Variants in CNTNAP5 observed in about 807,000 individuals in gnomAD.
CNTNAP5 encodes contactin associated protein family member 5, also known as contactin-associated protein-like 5.
In CNTNAP5, 72 loss-of-function variants were observed where a neutral mutation model predicts 150.2. The observed-to-expected ratio is 0.48, with a 90% CI of 0.40 to 0.58. CNTNAP5 has a LOEUF of 0.58. Among genes scored for constraint, CNTNAP5 ranks in the 20% least tolerant of loss-of-function variants. CNTNAP5 has a pLI of 0.00. For missense variants in CNTNAP5, 1,636 were observed against 1,626.2 expected, an observed-to-expected ratio of 1.01 and a Z score of -0.10; for synonymous variants, 672 against 619.8, an observed-to-expected ratio of 1.08 and a Z score of -1.25.
In CNTNAP5 at chr2:124,221,747, CT is replaced by C; in HGVS notation, c.130del (p.Ser44ProfsTer43). 6.2e-7 allele frequency: 1 copy of C among 1,611,882 alleles called. No homozygotes were observed. The highest frequency in any genetic ancestry group is 8.5e-7 in the Non-Finnish European group (1 of 1,178,872). On this transcript the variant is annotated frameshift_variant, in exon 2 of 24. Transcript: ENST00000682447. LOFTEE classifies it high-confidence loss of function. ...DPLASLLSPM[A>X]FSSSSDLTGT... Reference sequence around the variant, plus strand: ...CTAGCATCCCTGCTCTCTCCAATGGCTTTTTCCAGTTCCTCAGACCTCACTG... The same window carrying C: ...CTAGCATCCCTGCTCTCTCCAATGGCTTTTCCAGTTCCTCAGACCTCACTG...
intron 9 of CNTNAP5, among the ~76,000 whole-genome samples, chr2:124,526,296 A>G (rs1317169427): frequency 2.0e-5 from 3 of 152,220 alleles, no homozygotes; most frequent in African/African-American, 4.8e-5. Flanking sequence ...CAGTAATAAT[A>G]GTCAACTTAC....
intron 13 of CNTNAP5, among the ~76,000 whole-genome samples, chr2:124,677,643 T>C (rs35661599): frequency 0.24 from 35,910 of 150,088 alleles, 4,873 homozygotes; most frequent in African/African-American, 0.36. Flanking sequence ...AGACACAGAG[T>C]GCTGATTGGT....
Position 124,811,713 on chromosome 2 carries a change from G to GT in CNTNAP5, c.3217+13393_3217+13394insT, listed in dbSNP as rs1055501728. ...TCCCATCACTTTAGGAGGCGGGGGG[G>GT]GTGGATCACCTGAAATCAGGAGTTC... On this transcript the variant is annotated intron_variant, in intron 19 of 23. Coordinates refer to ENST00000682447, the MANE Select transcript of CNTNAP5 (RefSeq NM_001367498.1). Among the ~76,000 whole-genome samples the GT allele has an allele frequency of 1.2e-4, 18 of 149,884 alleles. 1 individual carries two copies. The highest frequency in any genetic ancestry group is 3.7e-4 in the African/African-American group (15 of 40,574).
At chr2:124,415,048 T>C (rs553639087) in intron 3 of CNTNAP5, among the ~76,000 whole-genome samples, 1 of 152,330 alleles carries the variant, frequency 6.6e-6, no homozygotes, top group Non-Finnish European at 1.5e-5. Flanking sequence ...AAGGACATTT[T>C]AAAAGAACTA....
intron 19 of CNTNAP5, among the ~76,000 whole-genome samples, chr2:124,864,025 C>A (rs1237937869): frequency 6.6e-6 from 1 of 152,068 alleles, no homozygotes; most frequent in Admixed American, 6.6e-5. Flanking sequence ...GACCAGATGA[C>A]CCCTACAGAC....
chr2:124,121,208 C>T (rs1683553239), intron 1 of CNTNAP5, among the ~76,000 whole-genome samples: 1 of 151,908 alleles, frequency 6.6e-6, no homozygotes, highest in Non-Finnish European at 1.5e-5. Flanking sequence ...AATTTGTGGC[C>T]TTTGCTTTGA....
intron 8 of CNTNAP5, among the ~76,000 whole-genome samples, chr2:124,513,696 G>C (rs7566257): frequency 1.3e-5 from 2 of 151,994 alleles, no homozygotes; most frequent in African/African-American, 4.8e-5. Context: ...ATTATATGCC[G>C]CATAATGTGT....
intron 1 of CNTNAP5, among the ~76,000 whole-genome samples, chr2:124,145,836 A>AAAAAAG (rs1684235703): frequency 9.2e-5 from 7 of 75,810 alleles, no homozygotes; most frequent in African/African-American, 1.9e-4. Flanking sequence ...AAAGAAGAAA[A>AAAAAAG]AAAAAAAAAA....
At chr2:124,417,894 C>T (rs559748976) in intron 4 of CNTNAP5, among the ~76,000 whole-genome samples, 10 of 152,234 alleles carry the variant, frequency 6.6e-5, no homozygotes, top group Middle Eastern at 3.4e-3. Flanking sequence ...AATTCTTCCC[C>T]GGAAGTGGCA....
In CNTNAP5 at chr2:124,915,448, A is replaced by C. The variant is rs1178361395; in HGVS notation, c.*1160A>C. Reference sequence around the variant, plus strand: ...CACTAAAGACCTGGTGAAGATAGTTAATTCAAATTTGCAAGTTTCACATTT... The same window carrying C: ...CACTAAAGACCTGGTGAAGATAGTTCATTCAAATTTGCAAGTTTCACATTT... On this transcript the variant is annotated 3_prime_UTR_variant, in exon 24 of 24. Transcript: ENST00000682447. Among the ~76,000 whole-genome samples the C allele has an allele frequency of 6.6e-6, 1 of 152,056 alleles. No homozygotes were observed. Among genetic ancestry groups the C allele is most frequent in the Non-Finnish European group, 1.5e-5 (1 of 67,982 alleles).
At chr2:124,298,262 A>T (rs1047190977) in intron 3 of CNTNAP5, among the ~76,000 whole-genome samples, 1 of 152,164 alleles carries the variant, frequency 6.6e-6, no homozygotes, top group Non-Finnish European at 1.5e-5. Flanking sequence ...TCACCCAGTT[A>T]TTAAGCCTAG....
intron 1 of CNTNAP5, among the ~76,000 whole-genome samples, chr2:124,173,061 C>T (rs2104667355): frequency 6.6e-6 from 1 of 152,086 alleles, no homozygotes. Flanking sequence ...GACCTGTGAC[C>T]AGTGATCTTT....
intron 3 of CNTNAP5, among the ~76,000 whole-genome samples, chr2:124,278,865 A>T (rs1687948937): frequency 6.6e-6 from 1 of 152,170 alleles, no homozygotes; most frequent in Non-Finnish European, 1.5e-5. Context: ...ATGAGTAAAC[A>T]CATACCTTCT....
chr2:124,434,872 T>C (rs1692489529), intron 5 of CNTNAP5, among the ~76,000 whole-genome samples, 185 bp downstream of exon 5: 1 of 152,202 alleles, frequency 6.6e-6, no homozygotes, highest in Non-Finnish European at 1.5e-5. Flanking sequence ...TATTGACATG[T>C]AGGGAGAGTT....
At chr2:124,819,247 G>A (rs1682434130) in intron 19 of CNTNAP5, among the ~76,000 whole-genome samples, 1 of 152,112 alleles carries the variant, frequency 6.6e-6, no homozygotes, top group Admixed American at 6.5e-5. Flanking sequence ...GTCCTTTGTA[G>A]CTAGGATGGA....
intron 1 of CNTNAP5, among the ~76,000 whole-genome samples, chr2:124,148,774 CATATGTGTGTATACAT>C (rs11273943): frequency 0.49 from 73,974 of 149,456 alleles, 18,775 homozygotes; most frequent in South Asian, 0.62. Context: ...TGCGTGTGCA[CATATGTGTGTATACAT>C]ATATGTGTGT....
At chr2:124,314,620 C>T (rs1480254097) in intron 3 of CNTNAP5, among the ~76,000 whole-genome samples, 1 of 151,800 alleles carries the variant, frequency 6.6e-6, no homozygotes, top group African/African-American at 2.4e-5. Context: ...TGTTTGTTTT[C>T]GTTTAGAAAT....
At chr2:124,345,451 C>A (rs574040045) in intron 3 of CNTNAP5, among the ~76,000 whole-genome samples, 2 of 152,106 alleles carry the variant, frequency 1.3e-5, no homozygotes, top group South Asian at 2.1e-4. Context: ...GAGGTGGAGA[C>A]CTGCTGTCAT....
chr2:124,554,308 G>T (rs1573455136), intron 10 of CNTNAP5, among the ~76,000 whole-genome samples: 1 of 151,966 alleles, frequency 6.6e-6, no homozygotes, highest in Non-Finnish European at 1.5e-5. Context: ...ACAAACACTT[G>T]TCAAACTTGA....
Sources: gnomAD v4.1 joint callset for allele counts (sites outside exome capture counted in the v4.1 genomes callset) on GRCh38, gnomAD v4.1.1 for gene constraint, MANE v1.5 for transcripts, NCBI Gene and HGNC (gene_info 2026-07-23, HGNC 2026-07-21) for gene names.